The following LEMD3 variants were observed in gnomAD, a reference collection of about 807,000 sequenced individuals.
LEMD3 encodes LEM domain containing 3.
Under a neutral mutation model 95.2 loss-of-function variants are expected in LEMD3, and 33 were observed. The ratio of observed to expected loss-of-function variants is 0.35; its 90% CI spans 0.26 to 0.46. The LOEUF (loss-of-function observed/expected upper bound fraction) is 0.46, where lower values mean the gene tolerates loss of function less well. LEMD3 is among the 20% of genes least tolerant of loss of function. LEMD3 has a pLI of 1.00. For synonymous variants in LEMD3, 525 were observed against 474.6 expected (o/e 1.11, Z -1.38); for missense variants, 1,210 against 1,192.8 (o/e 1.01, Z -0.21).
At position 65,243,484 on chromosome 12, in the gene LEMD3, CA is replaced by C. The variant is rs764410871; in HGVS notation, c.2387+16del. The C allele has an allele frequency of 2.3e-5, 33 of 1,406,308 alleles. No homozygotes were observed. Among genetic ancestry groups the C allele is most frequent in the Non-Finnish European group, 2.8e-5 (28 of 990,698 alleles). The allele number at this position is 1,406,308 out of a possible 1,614,324, so 87.1% of individuals were successfully genotyped here. ...GATCCCGTTATGTAAGTATTATGAT[CA>C]GGGGTACATGTAACTCTTATTCTGA... On this transcript the variant is annotated intron_variant, in intron 10 of 12. Transcript: ENST00000308330.
At chr12:65,244,043 G>C (rs978829422) in intron 10 of LEMD3, among the ~76,000 whole-genome samples, 6 of 152,170 alleles carry the variant, frequency 3.9e-5, no homozygotes, top group Admixed American at 3.3e-4. Flanking sequence ...TATATAAGCT[G>C]TAATAGTTCT....
intron 1 of LEMD3, among the ~76,000 whole-genome samples, chr12:65,172,832 TC>T (rs1284714705): frequency 6.6e-6 from 1 of 151,976 alleles, no homozygotes; most frequent in African/African-American, 2.4e-5. Context: ...TTCAAGTGAT[TC>T]TCCTGCCTCA....
intron 6 of LEMD3, among the ~76,000 whole-genome samples, chr12:65,239,691 ATAG>A (rs925079278): frequency 7.2e-5 from 11 of 152,284 alleles, no homozygotes; most frequent in East Asian, 5.8e-4. Flanking sequence ...ATATTTTTAA[ATAG>A]TAGTTAGAAT....
chr12:65,214,705 G>A (rs989909403), intron 2 of LEMD3, among the ~76,000 whole-genome samples: 9 of 152,150 alleles, frequency 5.9e-5, no homozygotes, highest in Admixed American at 5.2e-4. Flanking sequence ...TCCATGATCT[G>A]TTCATCCAGT....
rs1274805404 is a variant in LEMD3 at position 65,247,785 on chromosome 12, A to G, written c.*1460A>G. The G allele has an allele frequency of 6.6e-6, 1 of 152,610 alleles. No homozygotes were observed. The highest frequency in any genetic ancestry group is 1.5e-5 in the Non-Finnish European group (1 of 68,004). The allele number at this position is 152,610 out of a possible 1,614,324, so 9.5% of individuals were successfully genotyped here. A position where few individuals can be genotyped will look rare whatever the true frequency, so the allele number is the denominator to read the frequency against. On this transcript the variant is annotated 3_prime_UTR_variant, in exon 13 of 13. Transcript: ENST00000308330. ...TTCTGGTTAAGTAAACATGATGCAC[A>G]CTATTCTGTAACAGAAAGCCCTATT... is the stretch of plus-strand genomic sequence containing the variant.
chr12:65,214,895 T>A (rs2136338468), intron 2 of LEMD3, among the ~76,000 whole-genome samples: 1 of 152,310 alleles, frequency 6.6e-6, no homozygotes, highest in Admixed American at 6.5e-5. Context: ...TCTTGTTGCT[T>A]TAGACTACTT....
rs188868560 is a variant in LEMD3, at chr12:65,209,173, T to C, written c.1523-1753T>C. On this transcript the variant is annotated intron_variant, in intron 1 of 12. Transcript: ENST00000308330. Reference sequence around the variant, plus strand: ...TGTGTATAACACACGCTCCCTGTCTTGAGAAGCCCACAGTAGAGCAGTGTG... The same window carrying C: ...TGTGTATAACACACGCTCCCTGTCTCGAGAAGCCCACAGTAGAGCAGTGTG... Among the ~76,000 whole-genome samples the C allele has an allele frequency of 1.8e-3, 272 of 152,260 alleles. 5 individuals are homozygous for C. The highest frequency in any genetic ancestry group is 3.1e-3 in the Non-Finnish European group (208 of 67,988).
At chr12:65,209,318 C>CT (rs1030893132) in intron 1 of LEMD3, among the ~76,000 whole-genome samples, 14 of 152,022 alleles carry the variant, frequency 9.2e-5, no homozygotes, top group African/African-American at 3.4e-4. Context: ...ACTAGCATAG[C>CT]TTTTTTTCAT....
chr12:65,241,605 T>C (rs1870941150), intron 9 of LEMD3, among the ~76,000 whole-genome samples: 2 of 152,112 alleles, frequency 1.3e-5, no homozygotes, highest in South Asian at 4.1e-4. Context: ...TTCAAAAACA[T>C]GTATAAATAA....
At chr12:65,233,757 C>T (rs1870697634) in intron 4 of LEMD3, among the ~76,000 whole-genome samples, 1 of 152,086 alleles carries the variant, frequency 6.6e-6, no homozygotes, top group Non-Finnish European at 1.5e-5. Context: ...GTTTTGTTGC[C>T]TTATTTAATG....
At chr12:65,188,433 T>C (rs1032010543) in intron 1 of LEMD3, among the ~76,000 whole-genome samples, 9 of 152,152 alleles carry the variant, frequency 5.9e-5, no homozygotes, top group African/African-American at 2.2e-4. Flanking sequence ...AAAGCAGTGA[T>C]GGGCAGTGAG....
chr12:65,188,372 T>C (rs1869131358), intron 1 of LEMD3, among the ~76,000 whole-genome samples: 1 of 152,132 alleles, frequency 6.6e-6, no homozygotes, highest in African/African-American at 2.4e-5. Context: ...AAGGATGATT[T>C]ATGAATTGGG....
At position 65,170,952 on chromosome 12, in the gene LEMD3, A is replaced by G. The variant is rs1868528132; in HGVS notation, c.1356A>G (p.Glu452=). 2 of 1,614,180 alleles carry G rather than the reference A, an allele frequency of 1.2e-6. No homozygotes were observed. Among genetic ancestry groups the G allele is most frequent in the East Asian group, 4.5e-5 (2 of 44,878 alleles). ...CGAAGCTTTCCGAACCCGAAGAGGAACTTCTCCAGCAATTTAAACGGGAGG... is the reference window on the plus strand; with the variant it reads ...CGAAGCTTTCCGAACCCGAAGAGGAGCTTCTCCAGCAATTTAAACGGGAGG... ...NKPKLSEPEE[E]LLQQFKREEV... Residue 452 remains glutamate (E), a synonymous_variant, in exon 1 of 13, where the codon GAA becomes GAG. Transcript: ENST00000308330.
chr12:65,189,749 G>A (rs1048916566), intron 1 of LEMD3, among the ~76,000 whole-genome samples: 2 of 152,120 alleles, frequency 1.3e-5, no homozygotes, highest in African/African-American at 4.8e-5. Context: ...GTTCACATAC[G>A]TGCAGCGAGA....
At position 65,170,144 on chromosome 12, in the gene LEMD3, C is replaced by G. The variant is rs2136312741; in HGVS notation, c.548C>G (p.Thr183Ser). Reference protein sequence around the residue: ...PPAPLAASEVTNSNSAERRKP... With the variant: ...PPAPLAASEVSNSNSAERRKP... ...GCGCCCCTGGCCGCCAGCGAGGTGA[C>G]TAACAGCAACTCTGCAGAGCGAAGG... Residue 183 changes from threonine (T) to serine (S), a missense_variant, in exon 1 of 13, where the codon ACT becomes AGT. This residue lies in a region of LEMD3 where 749 missense variants were observed against 622.9 expected (regional missense o/e 1.20). Coordinates refer to ENST00000308330, the MANE Select transcript of LEMD3 (RefSeq NM_014319.5). 3.4e-6 allele frequency: 5 copies of G among 1,474,786 alleles called. No homozygotes were observed. Among genetic ancestry groups the G allele is most frequent in the Non-Finnish European group, 4.5e-6 (5 of 1,118,102 alleles). The allele number at this position is 1,474,786 out of a possible 1,614,324, so 91.4% of individuals were successfully genotyped here. A position where few individuals can be genotyped will look rare whatever the true frequency, so the allele number is the denominator to read the frequency against.
chr12:65,241,491 G>A (rs76362721), intron 9 of LEMD3, among the ~76,000 whole-genome samples: 6,336 of 151,320 alleles, frequency 0.042, 212 homozygotes, highest in Non-Finnish European at 0.055. Flanking sequence ...TTTTTTTCCA[G>A]TTTTTGCCTG....
intron 10 of LEMD3, among the ~76,000 whole-genome samples, chr12:65,244,204 A>T (rs1322325171): frequency 1.3e-5 from 2 of 152,092 alleles, no homozygotes; most frequent in African/African-American, 2.4e-5. Flanking sequence ...AATTCCAAAT[A>T]AGTGACAGCA....
chr12:65,181,843 G>A (rs1868913587), intron 1 of LEMD3, among the ~76,000 whole-genome samples: 1 of 151,818 alleles, frequency 6.6e-6, no homozygotes, highest in Admixed American at 6.6e-5. Flanking sequence ...GAACATTTAT[G>A]ATTATGGTTC....
At chr12:65,211,234 C>T (rs2136336033) in intron 2 of LEMD3, among the ~76,000 whole-genome samples, 1 of 152,258 alleles carries the variant, frequency 6.6e-6, no homozygotes, top group East Asian at 1.9e-4. Flanking sequence ...CTGTAAAAGA[C>T]TACTGCCAAG....
Sources: allele counts gnomAD v4.1 joint callset (sites outside exome capture counted in the v4.1 genomes callset), GRCh38; gene constraint gnomAD v4.1.1; regional missense constraint gnomAD v4.1.1; transcripts MANE v1.5; gene names NCBI Gene and HGNC (gene_info 2026-07-23, HGNC 2026-07-21).